Variants in UNC13D observed in about 807,000 individuals in gnomAD.
The protein encoded by UNC13D is protein unc-13 homolog D.
UNC13D carries 115 observed loss-of-function variants against 151.7 expected under a neutral mutation model. The ratio of observed to expected loss-of-function variants is 0.76; its 90% CI spans 0.65 to 0.88. UNC13D has a LOEUF of 0.88. UNC13D is among the 40% of genes least tolerant of loss of function. The pLI, the probability that UNC13D is intolerant of heterozygous loss-of-function variation, is 0.00. For missense variants in UNC13D, 1,369 were observed against 1,438.7 expected (o/e 0.95, Z 0.78); for synonymous variants, 588 against 612.2 (o/e 0.96, Z 0.58).
chr17:75,833,817 G>A lies in UNC13D; in HGVS notation c.2367+258C>T, dbSNP rs1019938928. Among the ~76,000 whole-genome samples, 1 of 152,198 alleles carries A rather than the reference G, an allele frequency of 6.6e-6. No individual in the cohort carries two copies. Among genetic ancestry groups the A allele is most frequent in the Non-Finnish European group, 1.5e-5 (1 of 68,038 alleles). On this transcript the variant is annotated intron_variant, in intron 24 of 31. Coordinates refer to ENST00000207549, the MANE Select transcript of UNC13D (RefSeq NM_199242.3). The surrounding 1 kb of genome is among the most constrained non-coding windows in gnomAD (Gnocchi z 4.0). ...GCAAAGCTAGGAGGCAGCTGAGAAG[G>A]ATGTGCACCCTGGCCTGTTTGGCTG... is the stretch of plus-strand genomic sequence containing the variant.
rs533109758 is a variant in UNC13D at position 75,832,828 on chromosome 17, G to T, written c.2447+138C>A. ...GGCCCAGGAAAGAGGGGCCGTGGGA[G>T]GAGAGGGGGAGGTGGCGAGCGCGCC... On this transcript the variant is annotated intron_variant, in intron 25 of 31. Transcript: ENST00000207549. The surrounding 1 kb of genome is among the most constrained non-coding windows in gnomAD (Gnocchi z 4.3). The T allele has an allele frequency of 1.2e-3, 877 of 753,848 alleles. 8 individuals carry two copies. Among genetic ancestry groups the T allele is most frequent in the Non-Finnish European group, 2.7e-4 (119 of 442,912 alleles). 46.7% of individuals were successfully genotyped at this position (753,848 alleles called of 1,614,324 possible).
At chr17:75,841,917 TTTTTGTA>T (rs1245350249) in intron 6 of UNC13D, among the ~76,000 whole-genome samples, 2 of 151,860 alleles carry the variant, frequency 1.3e-5, no homozygotes, top group African/African-American at 4.8e-5. Context: ...CCCGGCTAAT[TTTTTGTA>T]TTTTAGTAGA....
chr17:75,842,096 G>T (rs968696626), intron 6 of UNC13D, among the ~76,000 whole-genome samples: 3 of 152,062 alleles, frequency 2.0e-5, no homozygotes, highest in Non-Finnish European at 4.4e-5. Context: ...GGCCAGGCTG[G>T]TCTCAGTCTC....
At chr17:75,837,770 A>G (rs905484798) in intron 12 of UNC13D, among the ~76,000 whole-genome samples, 2 of 151,966 alleles carry the variant, frequency 1.3e-5, no homozygotes, top group South Asian at 2.1e-4. Context: ...AAAAAAAGAA[A>G]AGAAAAGAAA....
chr17:75,829,975 C>T (rs2064858159), intron 30 of UNC13D, 53 bp downstream of exon 30: 1 of 1,557,958 alleles, frequency 6.4e-7, no homozygotes, highest in Non-Finnish European at 8.7e-7. Flanking sequence ...CCTGAGGGAG[C>T]CCAGTGGGGA....
In UNC13D at chr17:75,835,542, G is replaced by C. The variant is rs745855631; in HGVS notation, c.1728-13C>G. 15 of 1,599,878 alleles carry C rather than the reference G, an allele frequency of 9.4e-6. No individual in the cohort carries two copies. Among genetic ancestry groups the C allele is most frequent in the East Asian group, 2.3e-5 (1 of 43,908 alleles). On this transcript the variant is annotated splice_polypyrimidine_tract_variant and intron_variant, in intron 19 of 31. Transcript: ENST00000207549. Reference sequence around the variant, plus strand: ...CAGGACTCCATCCCTGGGGATTGCCGGGGCTCAGCGTCGGGAAGGCTGGGG... The same window carrying C: ...CAGGACTCCATCCCTGGGGATTGCCCGGGCTCAGCGTCGGGAAGGCTGGGG...
chr17:75,831,312 C>T lies in UNC13D; in HGVS notation c.2484G>A (p.Val828=). The change falls in exon 26 of 32, where the codon GTG becomes GTA. Residue 828 remains valine (V), a synonymous_variant. Transcript: ENST00000207549. ...LTLLWTHTLT[V]LVEAAASQRS... ...GCTGGGAGGCGGCCGCCTCCACCAG[C>T]ACTGTGAGTGTGTGGGTCCAGAGCA... The T allele has an allele frequency of 6.2e-7, 1 of 1,613,528 alleles. No individual in the cohort carries two copies. Among genetic ancestry groups the T allele is most frequent in the Non-Finnish European group, 8.5e-7 (1 of 1,180,028 alleles).
chr17:75,840,858 G>A lies in UNC13D; in HGVS notation c.615-28C>T, dbSNP rs781249801. On this transcript the variant is annotated intron_variant, in intron 7 of 31. Coordinates refer to ENST00000207549, the MANE Select transcript of UNC13D (RefSeq NM_199242.3). The surrounding 1 kb of genome is among the most constrained non-coding windows in gnomAD (Gnocchi z 4.6). Reference sequence around the variant, plus strand: ...GGCAGGACAGAGGTTTGAGAAGGAAGCAGAGAGAGTGCCTACGACCTCTTC... The same window carrying A: ...GGCAGGACAGAGGTTTGAGAAGGAAACAGAGAGAGTGCCTACGACCTCTTC... 1 of 1,614,022 alleles carries A rather than the reference G, an allele frequency of 6.2e-7. No homozygotes were observed. The highest frequency in any genetic ancestry group is 8.5e-7 in the Non-Finnish European group (1 of 1,179,992).
intron 20 of UNC13D, 115 bp downstream of exon 20, chr17:75,835,294 C>A: frequency 7.0e-7 from 1 of 1,435,944 alleles, no homozygotes; most frequent in Non-Finnish European, 9.4e-7. Flanking sequence ...CAAGTGCACC[C>A]AAAAGGGATG....
Position 75,827,550 on chromosome 17 carries a change from T to G in UNC13D, c.*415A>C. The G allele has an allele frequency of 6.5e-7, 1 of 1,534,602 alleles. No homozygotes were observed. Among genetic ancestry groups the G allele is most frequent in the South Asian group, 1.2e-5 (1 of 83,958 alleles). On this transcript the variant is annotated 3_prime_UTR_variant, in exon 32 of 32. Transcript: ENST00000207549. The stretch of plus-strand genomic sequence containing the variant: ...GTCCCCTCTCCCTTTTCCAGGAGAC[T>G]CTGTGCCTGTAGCCCTGGTCCCAGT...
Position 75,839,270 on chromosome 17 carries a change from C to T in UNC13D, c.1055+569G>A, listed in dbSNP as rs577540441. On this transcript the variant is annotated intron_variant, in intron 12 of 31. Transcript: ENST00000207549. Reference sequence around the variant, plus strand: ...ATACAAAGTTAGCTGGGCGTGGTGGCGCATGCCTGTAATCCCAGCTACTCG... The same window carrying T: ...ATACAAAGTTAGCTGGGCGTGGTGGTGCATGCCTGTAATCCCAGCTACTCG... Among the ~76,000 whole-genome samples, 14 of 151,866 alleles carry T rather than the reference C, an allele frequency of 9.2e-5. No individual in the cohort carries two copies. The East Asian group carries it at 1.8e-3, about 19-fold the overall frequency.
At chr17:75,829,907 T>C in intron 30 of UNC13D, 121 bp downstream of exon 30, 1 of 1,477,324 alleles carries the variant, frequency 6.8e-7, no homozygotes, top group Non-Finnish European at 9.2e-7. Flanking sequence ...GCCCCATCCC[T>C]TGGGCCCAAA....
At chr17:75,843,577 C>T in intron 1 of UNC13D, 58 bp from the exon 2 acceptor site, 1 of 1,595,238 alleles carries the variant, frequency 6.3e-7, no homozygotes, top group Non-Finnish European at 8.5e-7. Flanking sequence ...CTCAGATGGA[C>T]AGGAATGGCT....
intron 12 of UNC13D, among the ~76,000 whole-genome samples, chr17:75,838,835 A>T (rs1206755827): frequency 1.3e-5 from 2 of 151,684 alleles, no homozygotes; most frequent in South Asian, 2.1e-4. Flanking sequence ...GCGCGGTGGC[A>T]CGCGCCTATA....
In UNC13D at chr17:75,827,765, C is replaced by T; in HGVS notation, c.*200G>A. 2 of 1,482,608 alleles carry T rather than the reference C, an allele frequency of 1.3e-6. No individual in the cohort carries two copies. The highest frequency in any genetic ancestry group is 1.8e-6 in the Non-Finnish European group (2 of 1,115,556). 91.8% of individuals were successfully genotyped at this position (1,482,608 alleles called of 1,614,324 possible). On this transcript the variant is annotated 3_prime_UTR_variant, in exon 32 of 32. Transcript: ENST00000207549. The stretch of plus-strand genomic sequence containing the variant: ...GCAGCCAGGGCTGGAGGCAGGGAGG[C>T]GGGAGTAGAGATGTCGCTGCTGAGC...
chr17:75,841,239 G>C (rs1245105293), intron 6 of UNC13D: 1 of 481,200 alleles, frequency 2.1e-6, no homozygotes, highest in East Asian at 3.8e-5. Flanking sequence ...CTGCCTCCTG[G>C]GTTCAAGCAA....
chr17:75,843,148 G>A lies in UNC13D; in HGVS notation c.261+11C>T, dbSNP rs2064961426. The A allele has an allele frequency of 6.2e-7, 1 of 1,611,310 alleles. No individual in the cohort carries two copies. Among genetic ancestry groups the A allele is most frequent in the African/African-American group, 1.3e-5 (1 of 74,994 alleles). On this transcript the variant is annotated intron_variant, in intron 3 of 31. Coordinates refer to ENST00000207549, the MANE Select transcript of UNC13D (RefSeq NM_199242.3). ...CTGCAGGAAGGGGGGTGGGGTGGGAGCCGGGCTCACCTCCTGCAGGTATCG... is the reference window on the plus strand; with the variant it reads ...CTGCAGGAAGGGGGGTGGGGTGGGAACCGGGCTCACCTCCTGCAGGTATCG...
At position 75,840,072 on chromosome 17, in the gene UNC13D, G is replaced by C. The variant is rs771228394; in HGVS notation, c.897C>G (p.Thr299=). Residue 299 remains threonine (T), a synonymous_variant, in exon 11 of 32, where the codon ACC becomes ACG. Transcript: ENST00000207549. The surrounding 1 kb of genome is among the most constrained non-coding windows in gnomAD (Gnocchi z 4.6). ...GCTGCTGCAGGAGGTGGAGGTGCAC[G>C]GTGTAGCTCGGCTGCGAGCGGCTGG... ...TSASRSQPSY[T]VHLHLLQQLV... is the part of the protein sequence containing the mutation. 22 of 1,613,386 alleles carry C rather than the reference G, an allele frequency of 1.4e-5. 1 individual carries two copies. In the South Asian group the frequency reaches 2.4e-4, roughly 18 times the overall value.
Position 75,839,855 on chromosome 17 carries a change from A to G in UNC13D, c.1039T>C (p.Phe347Leu), listed in dbSNP as rs777550761. Residue 347 changes from phenylalanine (F) to leucine (L), a missense_variant, in exon 12 of 32, where the codon TTC becomes CTC. This residue lies in a region of UNC13D where 550 missense variants were observed against 609.0 expected (regional missense o/e 0.90). Transcript: ENST00000207549. ...LHATQKDLSDFHQSMAQWLAY... is the reference protein window; with the variant it reads ...LHATQKDLSDLHQSMAQWLAY... The stretch of plus-strand genomic sequence containing the variant: ...TGTACTCACGCCATGGACTGGTGGA[A>G]GTCGGATAGGTCCTTCTGTGTGGCG... 174 of 1,613,700 alleles carry G rather than the reference A, an allele frequency of 1.1e-4. 1 individual carries two copies. In the Middle Eastern group the frequency reaches 3.8e-3, roughly 35 times the overall value.
Sources: allele counts gnomAD v4.1 joint callset (sites outside exome capture counted in the v4.1 genomes callset), GRCh38; gene constraint gnomAD v4.1.1; regional missense constraint gnomAD v4.1.1; non-coding constraint Gnocchi (gnomAD v3.1); transcripts MANE v1.5; gene names NCBI Gene and HGNC (gene_info 2026-07-23, HGNC 2026-07-21).